CNTNAP2: variants seen among roughly 807,000 people sequenced by gnomAD.
CNTNAP2 encodes the protein contactin associated protein 2.
CNTNAP2 carries 98 observed loss-of-function variants against 155.2 expected under a neutral mutation model. The ratio of observed to expected loss-of-function variants is 0.63; its 90% CI spans 0.54 to 0.75. The LOEUF is 0.75. CNTNAP2 is among the 30% of genes least tolerant of loss of function. CNTNAP2 has a pLI of 0.00. For missense variants in CNTNAP2, 1,727 were observed against 1,688.1 expected (o/e 1.02, Z -0.40); for synonymous variants, 651 against 631.2 (o/e 1.03, Z -0.47).
intron 1 of CNTNAP2, among the ~76,000 whole-genome samples, chr7:146,242,793 A>G (rs1483590997): frequency 2.0e-5 from 3 of 152,196 alleles, no homozygotes; most frequent in Admixed American, 2.0e-4. Flanking sequence ...AAATAACACT[A>G]CATATCACCC....
chr7:147,905,818 A>T (rs1799947339), intron 14 of CNTNAP2, among the ~76,000 whole-genome samples: 1 of 152,028 alleles, frequency 6.6e-6, no homozygotes, highest in Admixed American at 6.6e-5. Context: ...CAGGAGGCGG[A>T]GCTTGCAGTG....
At chr7:147,741,445 A>C (rs1456127508) in intron 13 of CNTNAP2, among the ~76,000 whole-genome samples, 1 of 152,236 alleles carries the variant, frequency 6.6e-6, no homozygotes, top group Non-Finnish European at 1.5e-5. Flanking sequence ...GTTATCTTCT[A>C]TGCTGGCATA....
At chr7:146,897,561 T>C (rs1275216861) in intron 3 of CNTNAP2, among the ~76,000 whole-genome samples, 21 of 152,058 alleles carry the variant, frequency 1.4e-4, no homozygotes, top group Admixed American at 1.3e-3. Context: ...TTTTATACAC[T>C]GATTTCTTGC....
chr7:146,600,475 T>A (rs1328972399), intron 1 of CNTNAP2, among the ~76,000 whole-genome samples: 2 of 152,150 alleles, frequency 1.3e-5, no homozygotes, highest in African/African-American at 4.8e-5. Context: ...TCATTTCCGA[T>A]GCATTTTTTC....
chr7:146,369,145 A>G (rs1238035939), intron 1 of CNTNAP2, among the ~76,000 whole-genome samples: 1 of 150,174 alleles, frequency 6.7e-6, no homozygotes, highest in Non-Finnish European at 1.5e-5. Flanking sequence ...TTTTCTTTGG[A>G]TCATTTTCCT....
In CNTNAP2 at chr7:147,245,417, G is replaced by GC. The variant is rs556994366; in HGVS notation, c.1349-54722dup. On this transcript the variant is annotated intron_variant, in intron 8 of 23. Transcript: ENST00000361727. ...CCTGTGGCCCCCTCAATCCACCTCA[G>GC]CCTCCACAGAGCATCAGTTGCTGTT... 2.7e-3 allele frequency among the ~76,000 whole-genome samples: 409 copies of GC among 152,130 alleles called. 1 individual carries two copies. The highest frequency in any genetic ancestry group is 9.2e-3 in the African/African-American group (382 of 41,510).
chr7:148,349,062 C>T (rs1032120304), intron 21 of CNTNAP2, among the ~76,000 whole-genome samples: 85 of 152,052 alleles, frequency 5.6e-4, no homozygotes, highest in Non-Finnish European at 9.0e-4. Flanking sequence ...AAGAAAGATT[C>T]GAAGCCCCTG....
chr7:147,523,272 C>A (rs545413968), intron 11 of CNTNAP2, among the ~76,000 whole-genome samples: 1 of 152,248 alleles, frequency 6.6e-6, no homozygotes, highest in Admixed American at 6.5e-5. Context: ...CACATGGCAT[C>A]CCGGTTCACC....
intron 13 of CNTNAP2, among the ~76,000 whole-genome samples, chr7:147,854,286 C>G (rs1427153138): frequency 6.6e-6 from 1 of 152,096 alleles, no homozygotes; most frequent in African/African-American, 2.4e-5. Context: ...GAAATGATTA[C>G]TAGCTTCTTG....
chr7:148,023,790 A>G (rs545721616), intron 15 of CNTNAP2, among the ~76,000 whole-genome samples: 19 of 152,166 alleles, frequency 1.2e-4, no homozygotes, highest in Non-Finnish European at 2.2e-4. Context: ...CAACTCCCTG[A>G]AAGTCCTCCT....
intron 13 of CNTNAP2, among the ~76,000 whole-genome samples, chr7:147,724,733 A>C (rs1431366541): frequency 1.3e-5 from 2 of 152,130 alleles, no homozygotes; most frequent in Non-Finnish European, 2.9e-5. Context: ...TACACTGCGG[A>C]AGCTAGAATT....
chr7:146,649,309 A>G (rs1799866505), intron 1 of CNTNAP2, among the ~76,000 whole-genome samples: 1 of 152,108 alleles, frequency 6.6e-6, no homozygotes, highest in Non-Finnish European at 1.5e-5. Context: ...AGCAATCTCT[A>G]TTAAAATGGT....
rs1800032042 is a variant in CNTNAP2, at chr7:148,417,961, A to C, written c.*2345A>C. ...CTCTCACCAAAATTTCAAACCTAGG[A>C]CACTGGAATGACTGCAGGGATCAGT... On this transcript the variant is annotated 3_prime_UTR_variant, in exon 24 of 24. Transcript: ENST00000361727. The C allele has an allele frequency of 6.6e-6, 1 of 152,196 alleles. No individual in the cohort carries two copies. The highest frequency in any genetic ancestry group is 1.5e-5 in the Non-Finnish European group (1 of 68,046). The allele number at this position is 152,196 out of a possible 1,614,324, so 9.4% of individuals were successfully genotyped here.
intron 1 of CNTNAP2, among the ~76,000 whole-genome samples, chr7:146,336,401 A>G (rs1353181836): frequency 6.6e-6 from 1 of 152,058 alleles, no homozygotes; most frequent in Non-Finnish European, 1.5e-5. Flanking sequence ...GTTCTACCAA[A>G]TTATCTCAAT....
chr7:146,223,257 G>A (rs550152854), intron 1 of CNTNAP2, among the ~76,000 whole-genome samples: 1 of 152,280 alleles, frequency 6.6e-6, no homozygotes, highest in Non-Finnish European at 1.5e-5. Context: ...ATGCCAAGAT[G>A]TTTGGACAAG....
intron 8 of CNTNAP2, among the ~76,000 whole-genome samples, chr7:147,204,576 A>T (rs1396490035): frequency 5.9e-5 from 9 of 151,938 alleles, no homozygotes; most frequent in Non-Finnish European, 1.3e-4. Flanking sequence ...ATCAATTTTT[A>T]AAAAAATATT....
intron 21 of CNTNAP2, among the ~76,000 whole-genome samples, chr7:148,342,635 C>T (rs978151902): frequency 6.6e-6 from 1 of 152,162 alleles, no homozygotes; most frequent in African/African-American, 2.4e-5. Flanking sequence ...ATTTTTATTT[C>T]TTATTCCTTT....
intron 10 of CNTNAP2, among the ~76,000 whole-genome samples, chr7:147,469,798 G>T (rs1798184728): frequency 6.6e-6 from 1 of 151,992 alleles, no homozygotes; most frequent in Admixed American, 6.6e-5. Flanking sequence ...GATTACAGGC[G>T]TGAGCCACTG....
chr7:147,078,788 C>A (rs906675641), intron 4 of CNTNAP2, among the ~76,000 whole-genome samples: 4 of 151,002 alleles, frequency 2.6e-5, no homozygotes, highest in Non-Finnish European at 5.9e-5. Context: ...CTCACTGTGT[C>A]CCCCAGGCTG....
Sources: allele counts gnomAD v4.1 joint callset (sites outside exome capture counted in the v4.1 genomes callset), GRCh38; gene constraint gnomAD v4.1.1; transcripts MANE v1.5; gene names NCBI Gene and HGNC (gene_info 2026-07-23, HGNC 2026-07-21).